Variants in TBC1D22A observed in about 807,000 individuals in gnomAD.
TBC1D22A encodes TBC1 domain family member 22A, also known as putative GTPase activator.
A neutral mutation model predicts 60.2 loss-of-function variants in TBC1D22A; 38 were observed. That is an observed-to-expected ratio of 0.63 (90% CI 0.49 to 0.83). The LOEUF is 0.83. Ranked by LOEUF, TBC1D22A falls within the 40% of genes least tolerant of loss-of-function variation. TBC1D22A has a pLI of 0.00. For synonymous variants in TBC1D22A, 302 were observed against 281.7 expected, an observed-to-expected ratio of 1.07 and a Z score of -0.72; for missense variants, 628 against 701.0, an observed-to-expected ratio of 0.90 and a Z score of 1.18.
chr22:46,867,236 A>G (rs2067098354), intron 4 of TBC1D22A, among the ~76,000 whole-genome samples: 1 of 152,204 alleles, frequency 6.6e-6, no homozygotes, highest in South Asian at 2.1e-4. Flanking sequence ...AGGTTGCAAA[A>G]GATGTTTAGC....
chr22:47,006,979 C>T (rs2061613175), intron 10 of TBC1D22A, among the ~76,000 whole-genome samples: 1 of 152,092 alleles, frequency 6.6e-6, no homozygotes, highest in Non-Finnish European at 1.5e-5. Flanking sequence ...GAGCTGGGGA[C>T]AATAACGCAT....
intron 4 of TBC1D22A, among the ~76,000 whole-genome samples, chr22:46,860,715 C>G (rs2087827572): frequency 6.6e-6 from 1 of 152,252 alleles, no homozygotes; most frequent in Admixed American, 6.5e-5. Flanking sequence ...TGGCCAGCGT[C>G]TTCTGGCGAC....
intron 12 of TBC1D22A, among the ~76,000 whole-genome samples, chr22:47,166,931 C>T (rs947336302): frequency 6.6e-6 from 1 of 152,264 alleles, no homozygotes; most frequent in Non-Finnish European, 1.5e-5. Context: ...GTAAGCAGAG[C>T]TCCAGCACCA....
intron 4 of TBC1D22A, among the ~76,000 whole-genome samples, chr22:46,856,815 T>C (rs746500892): frequency 2.6e-5 from 4 of 152,274 alleles, no homozygotes; most frequent in Non-Finnish European, 5.9e-5. Flanking sequence ...TTTAGATCTT[T>C]TTTTGATGTA....
At chr22:46,920,057 T>TGTA (rs1555949341) in intron 8 of TBC1D22A, among the ~76,000 whole-genome samples, 14,139 of 59,134 alleles carry the variant, frequency 0.24, 1,380 homozygotes, top group African/African-American at 0.39. Flanking sequence ...ATGTGTTTGT[T>TGTA]TGTATGTATG....
At chr22:47,037,280 T>G in intron 11 of TBC1D22A, 82 bp downstream of exon 11, 1 of 1,563,050 alleles carries the variant, frequency 6.4e-7, no homozygotes, top group Non-Finnish European at 8.7e-7. Context: ...TGGGCCTGTG[T>G]GCTGCATTCG....
chr22:47,048,301 G>A (rs2063095889), intron 11 of TBC1D22A, among the ~76,000 whole-genome samples: 1 of 152,136 alleles, frequency 6.6e-6, no homozygotes, highest in Admixed American at 6.5e-5. Flanking sequence ...CCAAGCCCAG[G>A]GTCACCCATG....
intron 11 of TBC1D22A, among the ~76,000 whole-genome samples, chr22:47,070,528 T>G (rs71313089): frequency 0.039 from 3,320 of 84,862 alleles, 1 homozygote; most frequent in Middle Eastern, 0.1. Context: ...CTGACCTGAC[T>G]GTTCCAGGCT....
intron 8 of TBC1D22A, among the ~76,000 whole-genome samples, chr22:46,955,301 A>G (rs1355574936): frequency 1.3e-5 from 2 of 152,262 alleles, no homozygotes; most frequent in African/African-American, 4.8e-5. Context: ...TACGCTAACG[A>G]TGAATAAGAA....
rs942679937 is a variant in TBC1D22A, at chr22:46,929,472, A to T, written c.1015+17284A>T. 1.1e-4 allele frequency among the ~76,000 whole-genome samples: 17 copies of T among 152,312 alleles called. No homozygotes were observed. In the Middle Eastern group the frequency reaches 0.01, roughly 91 times the overall value. On this transcript the variant is annotated intron_variant, in intron 8 of 12. Transcript: ENST00000337137. ...ATAGGTCTTTGATTGGCTTGACAGG[A>T]CAAACATCTGTGTCTGTGTGCTTAC...
chr22:47,094,127 GA>G (rs1313119451), intron 11 of TBC1D22A, among the ~76,000 whole-genome samples: 2 of 152,192 alleles, frequency 1.3e-5, no homozygotes, highest in African/African-American at 4.8e-5. Flanking sequence ...GATACTTTTT[GA>G]GAGGCTGGTA....
intron 8 of TBC1D22A, among the ~76,000 whole-genome samples, chr22:46,960,832 AGCTACTT>A (rs1358755464): frequency 1.3e-5 from 2 of 151,846 alleles, no homozygotes; most frequent in African/African-American, 4.8e-5. Flanking sequence ...CTGTAGTCCC[AGCTACTT>A]GGGAGGCTGA....
chr22:47,011,437 G>C (rs1202574136), intron 10 of TBC1D22A, among the ~76,000 whole-genome samples: 1 of 152,232 alleles, frequency 6.6e-6, no homozygotes, highest in South Asian at 2.1e-4. Context: ...CCCTTTTGAA[G>C]TGAGGAGTGG....
chr22:47,115,200 C>T (rs1394217705), intron 12 of TBC1D22A, among the ~76,000 whole-genome samples: 1 of 11,506 alleles, frequency 8.7e-5, no homozygotes, highest in Admixed American at 9.0e-4. Context: ...TGGAGGATTG[C>T]CACTTTGCCA....
chr22:46,950,213 T>C (rs136073), intron 8 of TBC1D22A, among the ~76,000 whole-genome samples: 65,723 of 151,834 alleles, frequency 0.43, 15,131 homozygotes, highest in African/African-American at 0.6. Flanking sequence ...AGGGTTTGCT[T>C]ATGAATCAGA....
At chr22:46,831,139 C>T (rs1054284127) in intron 4 of TBC1D22A, among the ~76,000 whole-genome samples, 14 of 152,076 alleles carry the variant, frequency 9.2e-5, no homozygotes, top group South Asian at 8.3e-4. Context: ...TGTTGGTGGA[C>T]GAAATCACCC....
chr22:46,927,478 T>C (rs1270745929), intron 8 of TBC1D22A, among the ~76,000 whole-genome samples: 1 of 152,206 alleles, frequency 6.6e-6, no homozygotes, highest in East Asian at 1.9e-4. Flanking sequence ...CCATGAAAAT[T>C]CTGTGACTAA....
intron 9 of TBC1D22A, among the ~76,000 whole-genome samples, chr22:46,980,471 C>G (rs2074472187): frequency 6.6e-6 from 1 of 152,214 alleles, no homozygotes; most frequent in Non-Finnish European, 1.5e-5. Flanking sequence ...GTGTGAGCCA[C>G]TGTGCCCGGC....
chr22:47,132,118 C>T (rs868242607), intron 12 of TBC1D22A, among the ~76,000 whole-genome samples: 3 of 152,188 alleles, frequency 2.0e-5, no homozygotes, highest in East Asian at 1.9e-4. Flanking sequence ...AGCTGTGAGA[C>T]GCCAGAGCCC....
Sources: gnomAD v4.1 joint callset for allele counts (sites outside exome capture counted in the v4.1 genomes callset) on GRCh38, gnomAD v4.1.1 for gene constraint, MANE v1.5 for transcripts, NCBI Gene and HGNC (gene_info 2026-07-23, HGNC 2026-07-21) for gene names.